The following TWSG1 variants were observed in gnomAD, a reference collection of about 807,000 sequenced individuals.
TWSG1 encodes the protein twisted gastrulation BMP signaling modulator 1.
In TWSG1, 15 loss-of-function variants were observed where a neutral mutation model predicts 23.0. The ratio of observed to expected loss-of-function variants is 0.65; its 90% CI spans 0.44 to 1.00. The LOEUF (loss-of-function observed/expected upper bound fraction) is 1.00. Among genes scored for constraint, TWSG1 ranks in the 50% least tolerant of loss-of-function variants. TWSG1 has a pLI of 0.00. For synonymous variants in TWSG1, 86 were observed against 92.8 expected (o/e 0.93, Z 0.42); for missense variants, 242 against 278.7 (o/e 0.87, Z 0.94).
intron 2 of TWSG1, among the ~76,000 whole-genome samples, chr18:9,345,984 C>T (rs1363368827): frequency 6.6e-6 from 1 of 152,104 alleles, no homozygotes; most frequent in Non-Finnish European, 1.5e-5. Flanking sequence ...TATTGATATG[C>T]TATTATTAAC....
intron 2 of TWSG1, among the ~76,000 whole-genome samples, chr18:9,350,139 C>CAA (rs1408693102): frequency 7.1e-6 from 1 of 139,992 alleles, no homozygotes. Flanking sequence ...GACTCCATCT[C>CAA]AAAAAAAAAA....
intron 2 of TWSG1, among the ~76,000 whole-genome samples, chr18:9,349,316 G>A (rs1467921287): frequency 6.6e-6 from 1 of 152,108 alleles, no homozygotes; most frequent in East Asian, 1.9e-4. Context: ...TAACTTGTGA[G>A]TACTTTGGCT....
At chr18:9,396,578 G>T (rs372827684) in intron 4 of TWSG1, 32 bp downstream of exon 4, 113 of 1,597,472 alleles carry the variant, frequency 7.1e-5, no homozygotes, top group Middle Eastern at 1.7e-4. Context: ...TTTCCATTCC[G>T]CCCCCTCATG....
At chr18:9,344,062 G>A (rs994068720) in intron 2 of TWSG1, among the ~76,000 whole-genome samples, 4 of 152,002 alleles carry the variant, frequency 2.6e-5, no homozygotes, top group African/African-American at 9.7e-5. Context: ...CACCATACCT[G>A]GCTAATTAAA....
intron 2 of TWSG1, among the ~76,000 whole-genome samples, chr18:9,358,796 T>C (rs927051236): frequency 1.3e-5 from 2 of 152,190 alleles, no homozygotes; most frequent in African/African-American, 4.8e-5. Flanking sequence ...ACCTGTGAAG[T>C]TCCTTCTAAG....
At chr18:9,364,681 C>T (rs949991686) in intron 3 of TWSG1, among the ~76,000 whole-genome samples, 3 of 151,838 alleles carry the variant, frequency 2.0e-5, no homozygotes, top group Non-Finnish European at 2.9e-5. Context: ...GTAATCCCAG[C>T]GACAAGGGAG....
chr18:9,367,644 T>C (rs527514430), intron 3 of TWSG1, among the ~76,000 whole-genome samples: 12 of 152,260 alleles, frequency 7.9e-5, no homozygotes, highest in African/African-American at 2.4e-5. Flanking sequence ...AGCGGCAGTA[T>C]TGGATTCTTA....
At chr18:9,343,960 G>A (rs75944408) in intron 2 of TWSG1, among the ~76,000 whole-genome samples, 2 of 152,196 alleles carry the variant, frequency 1.3e-5, no homozygotes, top group African/African-American at 4.8e-5. Context: ...ACAGGCAGTG[G>A]TGCAATCATT....
chr18:9,346,980 C>T (rs2040480276), intron 2 of TWSG1, among the ~76,000 whole-genome samples: 1 of 152,224 alleles, frequency 6.6e-6, no homozygotes, highest in Admixed American at 6.5e-5. Flanking sequence ...GCTCCACATC[C>T]TCACCAGCAT....
chr18:9,387,594 A>G (rs1291559652), intron 3 of TWSG1, among the ~76,000 whole-genome samples: 2 of 142,426 alleles, frequency 1.4e-5, no homozygotes, highest in African/African-American at 5.5e-5. Flanking sequence ...GCAAAACTTC[A>G]TCTCTACTAA....
intron 2 of TWSG1, among the ~76,000 whole-genome samples, chr18:9,359,638 G>T (rs374714293): frequency 1.3e-4 from 20 of 152,158 alleles, no homozygotes; most frequent in Non-Finnish European, 4.4e-5. Context: ...TTTGGACAAC[G>T]AATATAATAG....
chr18:9,393,482 C>CA (rs1282508944), intron 3 of TWSG1, among the ~76,000 whole-genome samples: 1 of 152,224 alleles, frequency 6.6e-6, no homozygotes, highest in Non-Finnish European at 1.5e-5. Flanking sequence ...TAGCAAAACT[C>CA]ACTGAAAAAG....
At chr18:9,359,594 T>C (rs1186115157) in intron 2 of TWSG1, among the ~76,000 whole-genome samples, 1 of 152,202 alleles carries the variant, frequency 6.6e-6, no homozygotes, top group Non-Finnish European at 1.5e-5. Flanking sequence ...ATTTTACATA[T>C]TGAGGAACCC....
intron 1 of TWSG1, among the ~76,000 whole-genome samples, chr18:9,335,707 T>G (rs573111454): frequency 6.6e-6 from 1 of 152,358 alleles, no homozygotes; most frequent in South Asian, 2.1e-4. Context: ...CTTTAGGGAA[T>G]GCTTTGTGAG....
chr18:9,398,309 C>G (rs886974251), intron 4 of TWSG1, among the ~76,000 whole-genome samples: 1 of 152,100 alleles, frequency 6.6e-6, no homozygotes, highest in African/African-American at 2.4e-5. Flanking sequence ...AAGCAATTAG[C>G]AAGAAGCTAA....
intron 3 of TWSG1, among the ~76,000 whole-genome samples, chr18:9,391,963 TAAA>T (rs2040714961): frequency 6.6e-6 from 1 of 152,246 alleles, no homozygotes; most frequent in South Asian, 2.1e-4. Context: ...AAATATTTAG[TAAA>T]CCATGCTATA....
intron 3 of TWSG1, among the ~76,000 whole-genome samples, chr18:9,379,132 A>C (rs886389062): frequency 6.6e-6 from 1 of 152,212 alleles, no homozygotes; most frequent in African/African-American, 2.4e-5. Flanking sequence ...CAAAGAACTA[A>C]AAATAGAACT....
chr18:9,355,515 G>A (rs999486414), intron 2 of TWSG1, among the ~76,000 whole-genome samples: 1 of 152,098 alleles, frequency 6.6e-6, no homozygotes, highest in Non-Finnish European at 1.5e-5. Context: ...ATTCAATAAT[G>A]TGATTTTTAA....
chr18:9,377,818 C>A (rs931292386), intron 3 of TWSG1, among the ~76,000 whole-genome samples: 4 of 151,842 alleles, frequency 2.6e-5, no homozygotes, highest in African/African-American at 9.7e-5. Context: ...CTCCCAGGCT[C>A]AAGCCATCTT....
Sources: allele counts gnomAD v4.1 joint callset (sites outside exome capture counted in the v4.1 genomes callset), GRCh38; gene constraint gnomAD v4.1.1; transcripts MANE v1.5; gene names NCBI Gene and HGNC (gene_info 2026-07-23, HGNC 2026-07-21).